CALN1: variants seen among roughly 807,000 people sequenced by gnomAD.
CALN1 encodes calcium-binding protein 8.
A neutral mutation model predicts 30.6 loss-of-function variants in CALN1; 17 were observed. That is an observed-to-expected ratio of 0.56 (90% CI 0.38 to 0.83). The LOEUF is 0.83. Among genes scored for constraint, CALN1 ranks in the 40% least tolerant of loss-of-function variants. The probability of loss-of-function intolerance (pLI) is 0.00; values close to 1 mark genes in which losing one functional copy is unlikely to be tolerated. For missense variants in CALN1, 291 were observed against 354.9 expected (o/e 0.82, Z 1.45); for synonymous variants, 156 against 131.4 (o/e 1.19, Z -1.28).
intron 5 of CALN1, among the ~76,000 whole-genome samples, chr7:72,009,832 C>T (rs1799971549): frequency 6.6e-6 from 1 of 152,184 alleles, no homozygotes; most frequent in Non-Finnish European, 1.5e-5. Context: ...TGTGAGGCCT[C>T]CCCAGCCACG....
chr7:72,412,635 C>G (rs1420266631), upstream of CALN1, among the ~76,000 whole-genome samples: 4 of 152,248 alleles, frequency 2.6e-5, no homozygotes, highest in Non-Finnish European at 5.9e-5. Flanking sequence ...CCAGGGGCCA[C>G]TGCTGGAGGA....
chr7:72,418,543 C>G (rs1041708044), intron 1 of CALN1, among the ~76,000 whole-genome samples: 2 of 152,176 alleles, frequency 1.3e-5, no homozygotes, highest in Non-Finnish European at 2.9e-5. Flanking sequence ...ACAGTAGTCC[C>G]CAGATTTACC....
At chr7:72,499,056 A>G in the CALN1 span, among the ~76,000 whole-genome samples, 3 of 152,176 alleles carry the variant, frequency 2.0e-5, no homozygotes, top group South Asian at 2.1e-4. Context: ...TTTGAGACAG[A>G]ATCTCACTCT....
intron 2 of CALN1, among the ~76,000 whole-genome samples, chr7:72,315,826 G>A (rs1374487346): frequency 6.6e-6 from 1 of 152,138 alleles, no homozygotes; most frequent in Non-Finnish European, 1.5e-5. Context: ...AAGAAAGTCT[G>A]CAAATTGTGG....
intron 3 of CALN1, among the ~76,000 whole-genome samples, chr7:72,148,264 T>TAA (rs35780457): frequency 7.5e-6 from 1 of 132,676 alleles, no homozygotes; most frequent in Admixed American, 7.8e-5. Context: ...TGTGGTTGTT[T>TAA]AAAAAAAAAA....
the CALN1 span, among the ~76,000 whole-genome samples, chr7:72,501,947 A>G: frequency 3.7e-5 from 3 of 80,360 alleles, no homozygotes; most frequent in Non-Finnish European, 7.2e-5. Context: ...ATATATATAT[A>G]TACACACATA....
rs1476766944 is a variant in CALN1, at chr7:72,054,482, TATATATATAC to T, written c.389-30723_389-30714del. ...ACATATATATACATATATACATACA[TATATATATAC>T]ATATATACATATATATACATATATA... On this transcript the variant is annotated intron_variant, in intron 4 of 6. Transcript: ENST00000395275. 1.8e-3 allele frequency among the ~76,000 whole-genome samples: 73 copies of T among 40,898 alleles called. 1 individual carries two copies. Among genetic ancestry groups the T allele is most frequent in the Non-Finnish European group, 3.4e-3 (56 of 16,624 alleles). 26.8% of individuals were successfully genotyped at this position (40,898 alleles called of 152,430 possible).
At position 72,315,072 on chromosome 7, in the gene CALN1, G is replaced by A. The variant is rs546477602; in HGVS notation, c.120-36262C>T. Among the ~76,000 whole-genome samples the A allele has an allele frequency of 3.3e-5, 5 of 151,960 alleles. No individual in the cohort carries two copies. In the East Asian group the frequency reaches 7.8e-4, roughly 24 times the overall value. On this transcript the variant is annotated intron_variant, in intron 2 of 6. Transcript: ENST00000395275. ...AGGCTGAGGCAGGAGGATCACTTAA[G>A]CTAGGGGTTCAAGGTGGCAGTGAGC...
At chr7:72,042,067 C>A (rs1802165461) in intron 4 of CALN1, among the ~76,000 whole-genome samples, 1 of 152,192 alleles carries the variant, frequency 6.6e-6, no homozygotes, top group South Asian at 2.1e-4. Flanking sequence ...CTTGTCCTGA[C>A]AGCAGCACCA....
chr7:72,146,898 G>T (rs975682171), intron 3 of CALN1, among the ~76,000 whole-genome samples: 2 of 152,144 alleles, frequency 1.3e-5, no homozygotes, highest in African/African-American at 4.8e-5. Flanking sequence ...ATGGTGCTGG[G>T]AAAACTGGCT....
chr7:72,290,328 G>A (rs1338422095), intron 2 of CALN1, among the ~76,000 whole-genome samples: 2 of 152,202 alleles, frequency 1.3e-5, no homozygotes, highest in Admixed American at 6.5e-5. Flanking sequence ...TTTCCTGGCT[G>A]TGACAAAGCA....
At chr7:72,450,849 GA>G (rs1808641968), upstream of CALN1, among the ~76,000 whole-genome samples, 2 of 150,140 alleles carry the variant, frequency 1.3e-5, no homozygotes, top group African/African-American at 5.0e-5. Context: ...AAATAAAAAT[GA>G]AAACAAAAAT....
intron 5 of CALN1, among the ~76,000 whole-genome samples, chr7:71,928,992 A>C (rs1171827001): frequency 1.3e-5 from 2 of 151,666 alleles, no homozygotes; most frequent in Non-Finnish European, 2.9e-5. Flanking sequence ...GATTCAATGG[A>C]TTCACCGATT....
intron 1 of CALN1, among the ~76,000 whole-genome samples, chr7:72,444,569 A>G (rs780299733): frequency 1.3e-5 from 2 of 152,072 alleles, no homozygotes; most frequent in Non-Finnish European, 2.9e-5. Context: ...AGCTTTTGGG[A>G]GAGATAGAGT....
intron 6 of CALN1, among the ~76,000 whole-genome samples, chr7:71,795,728 A>G (rs1203880141): frequency 5.3e-5 from 8 of 151,698 alleles, no homozygotes; most frequent in African/African-American, 1.7e-4. Flanking sequence ...ACGATCATAC[A>G]GTAGGTGACC....
the CALN1 span, among the ~76,000 whole-genome samples, chr7:72,469,689 G>A: frequency 2.6e-5 from 4 of 152,110 alleles, no homozygotes; most frequent in African/African-American, 4.8e-5. Flanking sequence ...ATGAGCCACC[G>A]CACCCAGCCG....
chr7:72,262,233 C>G (rs1796315648), intron 3 of CALN1, among the ~76,000 whole-genome samples: 3 of 152,180 alleles, frequency 2.0e-5, no homozygotes, highest in Admixed American at 2.0e-4. Flanking sequence ...TCTATGGACA[C>G]GTTCCCTCCT....
intron 5 of CALN1, among the ~76,000 whole-genome samples, chr7:71,902,225 AAACC>A (rs374649403): frequency 0.029 from 4,145 of 144,934 alleles, 57 homozygotes; most frequent in Non-Finnish European, 0.039. Context: ...CTCCGTCTCA[AAACC>A]AACCAACCAA....
chr7:71,940,907 CAGCCTAT>C (rs1352973099), intron 5 of CALN1, among the ~76,000 whole-genome samples: 1 of 152,164 alleles, frequency 6.6e-6, no homozygotes, highest in African/African-American at 2.4e-5. Context: ...CCACTGCACC[CAGCCTAT>C]AGTTCTTTGT....
Sources: gnomAD v4.1 joint callset for allele counts (sites outside exome capture counted in the v4.1 genomes callset) on GRCh38, gnomAD v4.1.1 for gene constraint, MANE v1.5 for transcripts, NCBI Gene and HGNC (gene_info 2026-07-23, HGNC 2026-07-21) for gene names.